KCNQ2: variants seen among roughly 807,000 people sequenced by gnomAD.
KCNQ2 encodes the protein potassium voltage-gated channel subfamily KQT member 2.
In KCNQ2, 14 loss-of-function variants were observed where a neutral mutation model predicts 84.8. The observed-to-expected ratio is 0.17, with a 90% CI of 0.11 to 0.26. KCNQ2 has a LOEUF of 0.26. KCNQ2 is among the 10% of genes least tolerant of loss of function. The pLI is 1.00. For synonymous variants in KCNQ2, 599 were observed against 554.1 expected (o/e 1.08, Z -1.14); for missense variants, 788 against 1,254.0 (o/e 0.63, Z 5.61).
chr20:63,416,404 G>T (rs1372233786), intron 12 of KCNQ2, among the ~76,000 whole-genome samples: 1 of 152,200 alleles, frequency 6.6e-6, no homozygotes, highest in Non-Finnish European at 1.5e-5. Flanking sequence ...GTGGTTGGTG[G>T]TTGGGAGACG....
chr20:63,424,811 T>C (rs915074298), intron 10 of KCNQ2, among the ~76,000 whole-genome samples: 4 of 152,242 alleles, frequency 2.6e-5, no homozygotes, highest in Non-Finnish European at 5.9e-5. Flanking sequence ...AAAGGCGTTA[T>C]GGATTGAGTG....
intron 8 of KCNQ2, among the ~76,000 whole-genome samples, chr20:63,432,547 G>A (rs1190919450): frequency 7.0e-6 from 1 of 143,124 alleles, no homozygotes; most frequent in Non-Finnish European, 1.5e-5. Flanking sequence ...CTCTGGGAAG[G>A]CCCCACCCTC....
intron 11 of KCNQ2, 190 bp downstream of exon 11, chr20:63,423,987 G>A: frequency 3.1e-6 from 2 of 649,180 alleles, no homozygotes; most frequent in East Asian, 2.8e-5. Flanking sequence ...TGGGGAGGGG[G>A]TGAGCAGGAA....
intron 6 of KCNQ2, among the ~76,000 whole-genome samples, 196 bp downstream of exon 6, chr20:63,439,402 A>T (rs550652982): frequency 6.6e-6 from 1 of 152,000 alleles, no homozygotes; most frequent in South Asian, 2.1e-4. Context: ...GGGCTGGGGA[A>T]CCCCCACTCC....
chr20:63,445,614 G>A (rs1041828150), intron 2 of KCNQ2: 25 of 585,464 alleles, frequency 4.3e-5, no homozygotes, highest in African/African-American at 3.7e-4. Context: ...CCACCTCCCT[G>A]TCTGAGCTGG....
At chr20:63,423,935 A>C in intron 11 of KCNQ2, 26 of 418,876 alleles carry the variant, frequency 6.2e-5, no homozygotes, top group Middle Eastern at 4.2e-4. Flanking sequence ...GAAGCCGCCC[A>C]GCTGCCCGGA....
Position 63,400,958 on chromosome 20 carries a change from G to T in KCNQ2, c.*5686C>A. 1 of 397,916 alleles carries T rather than the reference G, an allele frequency of 2.5e-6. No homozygotes were observed. The highest frequency in any genetic ancestry group is 4.4e-6 in the Non-Finnish European group (1 of 225,690). 24.6% of individuals were successfully genotyped at this position (397,916 alleles called of 1,614,324 possible). A position where few individuals can be genotyped will look rare whatever the true frequency, so the allele number is the denominator to read the frequency against. On this transcript the variant is annotated 3_prime_UTR_variant, in exon 17 of 17. Coordinates refer to ENST00000359125, the MANE Select transcript of KCNQ2 (RefSeq NM_172107.4). The surrounding 1 kb of genome is among the most constrained non-coding windows in gnomAD (Gnocchi z 8.7). ...TCCTGTCCACATGCATTAAGGCAAC[G>T]ACTTTGTAAAACCCAGGCGGAGTTG...
rs765597294 is a variant in KCNQ2, at chr20:63,400,307, C to T, written c.*6337G>A. ...GATCCCCAGAACCTTCCACGGCCAT[C>T]GCGGCCGCAGGACCCCACACCCGAA... On this transcript the variant is annotated 3_prime_UTR_variant, in exon 17 of 17. Coordinates refer to ENST00000359125, the MANE Select transcript of KCNQ2 (RefSeq NM_172107.4). This position sits in a 1 kb window ranked among gnomAD's most constrained non-coding sequence, Gnocchi z 8.7. The T allele has an allele frequency of 9.7e-4, 258 of 265,700 alleles. No homozygotes were observed. The highest frequency in any genetic ancestry group is 1.5e-3 in the Non-Finnish European group (208 of 142,626). The allele number at this position is 265,700 out of a possible 1,614,324, so 16.5% of individuals were successfully genotyped here. A position where few individuals can be genotyped will look rare whatever the true frequency, so the allele number is the denominator to read the frequency against.
chr20:63,419,294 C>T (rs2080394649), intron 12 of KCNQ2, among the ~76,000 whole-genome samples: 1 of 152,200 alleles, frequency 6.6e-6, no homozygotes, highest in African/African-American at 2.4e-5. Flanking sequence ...GTGACAGCCC[C>T]AGGGGAAACG....
chr20:63,443,132 CCATCAT>C (rs1184758281), intron 4 of KCNQ2, among the ~76,000 whole-genome samples: 5 of 96,264 alleles, frequency 5.2e-5, no homozygotes, highest in African/African-American at 1.2e-4. Flanking sequence ...ACCACCACCA[CCATCAT>C]CACCACCACC....
Position 63,402,717 on chromosome 20 carries a change from C to G in KCNQ2, c.*3927G>C, listed in dbSNP as rs549740705. ...AGACCCACAGCTCAAAGGGTGCCCCCTGGAGAAGCCCTCACAGTGCCTGGG... is the reference window on the plus strand; with the variant it reads ...AGACCCACAGCTCAAAGGGTGCCCCGTGGAGAAGCCCTCACAGTGCCTGGG... On this transcript the variant is annotated 3_prime_UTR_variant, in exon 17 of 17. Coordinates refer to ENST00000359125, the MANE Select transcript of KCNQ2 (RefSeq NM_172107.4). 6.6e-6 allele frequency: 1 copy of G among 152,290 alleles called. No individual in the cohort carries two copies. Among genetic ancestry groups the G allele is most frequent in the South Asian group, 2.1e-4 (1 of 4,828 alleles). The allele number at this position is 152,290 out of a possible 1,614,324, so 9.4% of individuals were successfully genotyped here. A position where few individuals can be genotyped will look rare whatever the true frequency, so the allele number is the denominator to read the frequency against.
chr20:63,469,453 C>T lies in KCNQ2; in HGVS notation c.296+2715G>A, dbSNP rs564262204. The stretch of plus-strand genomic sequence containing the variant: ...TCTAACTCAGTGCTGGACGTCCCCA[C>T]CTCCCCAGAGCGGGGGCAGCAGGGG... On this transcript the variant is annotated intron_variant, in intron 1 of 16. Transcript: ENST00000359125. Among the ~76,000 whole-genome samples, 3 of 152,374 alleles carry T rather than the reference C, an allele frequency of 2.0e-5. No individual in the cohort carries two copies. In the East Asian group the frequency reaches 5.8e-4, roughly 29 times the overall value.
chr20:63,445,195 G>C, intron 3 of KCNQ2, 43 bp downstream of exon 3: 1 of 1,613,498 alleles, frequency 6.2e-7, no homozygotes, highest in African/African-American at 1.3e-5. Flanking sequence ...GTCCCTGGGT[G>C]CCTGGCCCTG....
chr20:63,430,542 G>A (rs1488597697), intron 9 of KCNQ2, among the ~76,000 whole-genome samples: 1 of 152,098 alleles, frequency 6.6e-6, no homozygotes, highest in South Asian at 2.1e-4. Context: ...TATGTGGGGA[G>A]TGGCTGGCCC....
At chr20:63,409,036 G>A (rs1263550927) in intron 15 of KCNQ2, among the ~76,000 whole-genome samples, 1 of 152,196 alleles carries the variant, frequency 6.6e-6, no homozygotes, top group Non-Finnish European at 1.5e-5. Flanking sequence ...CGGCCCCACC[G>A]GGTCTGATGG....
rs201012161 is a variant in KCNQ2, at chr20:63,442,396, C to A, written c.816+10G>T. The A allele has an allele frequency of 4.3e-5, 70 of 1,613,724 alleles. No individual in the cohort carries two copies. Among genetic ancestry groups the A allele is most frequent in the Middle Eastern group, 1.6e-4 (1 of 6,084 alleles). On this transcript the variant is annotated intron_variant, in intron 5 of 16. Coordinates refer to ENST00000359125, the MANE Select transcript of KCNQ2 (RefSeq NM_172107.4). ...CAGGGAAAGGGAAAACCACAATGAC[C>A]ACAACTCACCAGGCCCCACCAGAGT...
chr20:63,445,385 G>A lies in KCNQ2; in HGVS notation c.388-21C>T, dbSNP rs754683998. 5.0e-6 allele frequency: 8 copies of A among 1,612,792 alleles called. No individual in the cohort carries two copies. In the Admixed American group the frequency reaches 1.2e-4, roughly 24 times the overall value. The stretch of plus-strand genomic sequence containing the variant: ...ATTTCCTGCAGGGGAGGAAAGCTGA[G>A]GCCACCTTGAGGCCTGGGGGAGGGC... On this transcript the variant is annotated intron_variant, in intron 2 of 16. Coordinates refer to ENST00000359125, the MANE Select transcript of KCNQ2 (RefSeq NM_172107.4).
intron 10 of KCNQ2, among the ~76,000 whole-genome samples, 158 bp downstream of exon 10, chr20:63,428,209 G>A (rs946029771): frequency 2.2e-4 from 33 of 152,256 alleles, no homozygotes; most frequent in African/African-American, 7.7e-4. Flanking sequence ...CAGCAGACGC[G>A]AAAAGAGAAA....
At chr20:63,469,143 G>A (rs914129652) in intron 1 of KCNQ2, among the ~76,000 whole-genome samples, 5 of 152,334 alleles carry the variant, frequency 3.3e-5, no homozygotes, top group Admixed American at 1.3e-4. Context: ...GCTGGAGCCC[G>A]GGATTCAGGC....
Sources: gnomAD v4.1 joint callset for allele counts (sites outside exome capture counted in the v4.1 genomes callset) on GRCh38, gnomAD v4.1.1 for gene constraint, Gnocchi (gnomAD v3.1) non-coding constraint, MANE v1.5 for transcripts, NCBI Gene and HGNC (gene_info 2026-07-23, HGNC 2026-07-21) for gene names.